Variants in CENPE observed in about 807,000 individuals in gnomAD.
CENPE encodes centromere-associated protein E.
In CENPE, 145 loss-of-function variants were observed where a neutral mutation model predicts 336.1. That is an observed-to-expected ratio of 0.43 (90% CI 0.38 to 0.50). The LOEUF (loss-of-function observed/expected upper bound fraction) is 0.50. Among genes scored for constraint, CENPE ranks in the 20% least tolerant of loss-of-function variants. The pLI is 0.00. For synonymous variants in CENPE, 1,013 were observed against 984.8 expected, an observed-to-expected ratio of 1.03 and a Z score of -0.54; for missense variants, 2,719 against 3,023.3, an observed-to-expected ratio of 0.90 and a Z score of 2.36.
chr4:103,144,151 T>C (rs549447206), intron 33 of CENPE, among the ~76,000 whole-genome samples, 180 bp downstream of exon 33: 2 of 152,262 alleles, frequency 1.3e-5, no homozygotes, highest in East Asian at 3.9e-4. Context: ...TTAGCCAGGA[T>C]GGTCTTGATC....
At chr4:103,147,691 G>T in intron 28 of CENPE, 45 bp from the exon 29 acceptor site, 1 of 1,534,508 alleles carries the variant, frequency 6.5e-7, no homozygotes, top group Non-Finnish European at 8.7e-7. Flanking sequence ...AGGAGATTAT[G>T]ATCATAATTT....
chr4:103,128,836 A>T (rs1305786418), intron 42 of CENPE, among the ~76,000 whole-genome samples: 3 of 152,188 alleles, frequency 2.0e-5, no homozygotes, highest in Non-Finnish European at 4.4e-5. Context: ...TGAAGAGCAA[A>T]TTAAATCCAA....
intron 24 of CENPE, among the ~76,000 whole-genome samples, chr4:103,155,361 G>A (rs1315684374): frequency 6.6e-6 from 1 of 152,042 alleles, no homozygotes; most frequent in Non-Finnish European, 1.5e-5. Flanking sequence ...CCAAGCTGGA[G>A]TGCTGCAGCA....
intron 25 of CENPE, among the ~76,000 whole-genome samples, chr4:103,152,643 A>T (rs75424137): frequency 0.024 from 3,701 of 152,302 alleles, 59 homozygotes; most frequent in Middle Eastern, 0.048. Flanking sequence ...GAAAAAGAAT[A>T]AAAAAATTAT....
intron 24 of CENPE, among the ~76,000 whole-genome samples, chr4:103,155,607 T>C (rs1189202514): frequency 6.6e-6 from 1 of 152,168 alleles, no homozygotes; most frequent in Non-Finnish European, 1.5e-5. Context: ...GCCATTGTGT[T>C]GAGGGTAAAT....
rs1483098449 is a variant in CENPE, at chr4:103,145,530, T to C, written c.4565A>G (p.Gln1522Arg). ...TCTTCATCCCCAATTTACCTTGTTC[T>C]GTAATTTATCATTGATTGCTTCTAA... is the stretch of plus-strand genomic sequence containing the variant. ...KQLEAINDKL[Q>R]NKIQEIYEKE... Residue 1522 changes from glutamine to arginine, a missense_variant, in exon 31 of 49, where the codon CAG becomes CGG. Physicochemically the swap from Gln to Arg is conservative, Grantham distance 43. Around this residue, in one of 5 missense-constraint regions of CENPE, gnomAD observed 2,437 missense variants for 2,513.3 expected, o/e 0.97. Transcript: ENST00000265148. 2 of 1,601,384 alleles carry C rather than the reference T, an allele frequency of 1.2e-6. No individual in the cohort carries two copies. Among genetic ancestry groups the C allele is most frequent in the Admixed American group, 1.8e-5 (1 of 57,114 alleles).
At chr4:103,197,158 C>T (rs1757803940) in intron 1 of CENPE, among the ~76,000 whole-genome samples, 1 of 152,184 alleles carries the variant, frequency 6.6e-6, no homozygotes, top group Admixed American at 6.5e-5. Flanking sequence ...CTTTTGGAAA[C>T]TTATGAAATC....
At position 103,136,230 on chromosome 4, in the gene CENPE, G is replaced by C; in HGVS notation, c.6433C>G (p.Pro2145Ala). The change falls in exon 40 of 49, where the codon CCC (proline) becomes GCC (alanine). Residue 2145 changes from proline (P) to alanine (A), a missense_variant. Pro to Ala is a conservative substitution (Grantham distance 27, BLOSUM62 -1). This residue lies in a region of CENPE where 2,437 missense variants were observed against 2,513.3 expected (regional missense o/e 0.97). Coordinates refer to ENST00000265148, the MANE Select transcript of CENPE (RefSeq NM_001813.3). Reference protein sequence around the residue: ...SMRVKANLSLPYLQTKHIEKL... With the variant: ...SMRVKANLSLAYLQTKHIEKL... ...TCAATGTGTTTGGTTTGTAAATAGG[G>C]AAGTGAGAGGTTTGCTTTAACTCTC... The C allele has an allele frequency of 6.2e-7, 1 of 1,613,766 alleles. No homozygotes were observed. The highest frequency in any genetic ancestry group is 1.1e-5 in the South Asian group (1 of 91,068).
chr4:103,116,078 T>C (rs1250900195), intron 45 of CENPE, among the ~76,000 whole-genome samples: 1 of 152,158 alleles, frequency 6.6e-6, no homozygotes, highest in Non-Finnish European at 1.5e-5. Context: ...ACAAAGAATT[T>C]AGGCATGCTG....
At position 103,195,906 on chromosome 4, in the gene CENPE, G is replaced by A; in HGVS notation, c.357+14C>T. 2.6e-6 allele frequency: 4 copies of A among 1,509,594 alleles called. No homozygotes were observed. The highest frequency in any genetic ancestry group is 3.7e-6 in the Non-Finnish European group (4 of 1,085,018). The allele number at this position is 1,509,594 out of a possible 1,614,324, so 93.5% of individuals were successfully genotyped here. A position where few individuals can be genotyped will look rare whatever the true frequency, so the allele number is the denominator to read the frequency against. On this transcript the variant is annotated intron_variant, in intron 4 of 48. Transcript: ENST00000265148. The stretch of plus-strand genomic sequence containing the variant: ...TTTACCTGTACGTACTAGAAATCCA[G>A]TTAAGTTACTTACCTTCTTAATTTT...
chr4:103,154,099 C>T (rs1753777187), intron 24 of CENPE, among the ~76,000 whole-genome samples: 1 of 152,048 alleles, frequency 6.6e-6, no homozygotes, highest in Admixed American at 6.6e-5. Context: ...TATTGTATGA[C>T]ATTACACTAG....
chr4:103,122,447 G>A (rs1329311330), intron 43 of CENPE, among the ~76,000 whole-genome samples: 2 of 152,016 alleles, frequency 1.3e-5, no homozygotes, highest in African/African-American at 4.8e-5. Context: ...TATTTTTATT[G>A]TGATTATAAC....
intron 38 of CENPE, 33 bp from the exon 39 acceptor site, chr4:103,138,482 T>C: frequency 1.5e-6 from 2 of 1,374,132 alleles, no homozygotes; most frequent in South Asian, 1.2e-5. Context: ...AACAGGGCTT[T>C]TGTCATGACT....
At chr4:103,125,602 C>T (rs1458567055) in intron 42 of CENPE, among the ~76,000 whole-genome samples, 1 of 152,042 alleles carries the variant, frequency 6.6e-6, no homozygotes, top group African/African-American at 2.4e-5. Context: ...CAGTGGCTCA[C>T]ACCTGTAATC....
intron 16 of CENPE, among the ~76,000 whole-genome samples, chr4:103,171,665 A>C (rs1755421019): frequency 6.6e-6 from 1 of 151,872 alleles, no homozygotes; most frequent in African/African-American, 2.4e-5. Flanking sequence ...TCAGAGCAGA[A>C]ATAAACAAAA....
chr4:103,141,056 CT>C lies in CENPE; in HGVS notation c.5511del (p.Asp1838MetfsTer15). The stretch of plus-strand genomic sequence containing the variant: ...ACTTTTTTCTGTGTCTCATTGACAT[CT>C]TTTTTTAACGTAATAAGTTGATGTT... ...ANEHQLITLK[K>X]DVNETQKKVS... On this transcript the variant is annotated frameshift_variant, in exon 36 of 49. Transcript: ENST00000265148. LOFTEE classifies it high-confidence loss of function. 5 of 1,587,990 alleles carry C rather than the reference CT, an allele frequency of 3.1e-6. No homozygotes were observed. Among genetic ancestry groups the C allele is most frequent in the Non-Finnish European group, 4.3e-6 (5 of 1,164,604 alleles).
rs181228264 is a variant in CENPE, at chr4:103,107,935, T to C, written c.8011+868A>G. On this transcript the variant is annotated intron_variant, in intron 48 of 48. Transcript: ENST00000265148. ...TCTACACAATAAATGAAACAATTCC[T>C]TTATATAATTTATAAAAGTCCAGCA... Among the ~76,000 whole-genome samples the C allele has an allele frequency of 2.9e-4, 44 of 152,318 alleles. No individual in the cohort carries two copies. The East Asian group carries it at 7.9e-3, about 27-fold the overall frequency.
intron 42 of CENPE, among the ~76,000 whole-genome samples, chr4:103,130,046 C>T (rs1751451512): frequency 6.6e-6 from 1 of 152,310 alleles, no homozygotes; most frequent in African/African-American, 2.4e-5. Flanking sequence ...CAAAAAACTA[C>T]AGCTAACATC....
rs527351676 is a variant in CENPE, at chr4:103,174,626, T to C, written c.1647+110A>G. The stretch of plus-strand genomic sequence containing the variant: ...TGTTGTATACAATAAACACATAAAA[T>C]GTTATCTGTACATTTAAAAAAAATT... On this transcript the variant is annotated intron_variant, in intron 16 of 48. Transcript: ENST00000265148. The C allele has an allele frequency of 2.0e-5, 14 of 714,022 alleles. No individual in the cohort carries two copies. The South Asian group carries it at 3.0e-4, about 15-fold the overall frequency. 44.2% of individuals were successfully genotyped at this position (714,022 alleles called of 1,614,324 possible).
Sources: allele counts gnomAD v4.1 joint callset (sites outside exome capture counted in the v4.1 genomes callset), GRCh38; gene constraint gnomAD v4.1.1; regional missense constraint gnomAD v4.1.1; transcripts MANE v1.5; gene names NCBI Gene and HGNC (gene_info 2026-07-23, HGNC 2026-07-21).